Variants in CYTH1 observed in about 807,000 individuals in gnomAD.
CYTH1 encodes the protein cytohesin 1.
CYTH1 carries 18 observed loss-of-function variants against 61.8 expected under a neutral mutation model. The ratio of observed to expected loss-of-function variants is 0.29; its 90% CI spans 0.20 to 0.43. The LOEUF (loss-of-function observed/expected upper bound fraction) is 0.43, where lower values mean the gene tolerates loss of function less well. Ranked by LOEUF, CYTH1 falls within the 20% of genes least tolerant of loss-of-function variation. CYTH1 has a pLI of 1.00. For synonymous variants in CYTH1, 174 were observed against 184.3 expected, an observed-to-expected ratio of 0.94 and a Z score of 0.45; for missense variants, 336 against 510.5, an observed-to-expected ratio of 0.66 and a Z score of 3.29.
intron 1 of CYTH1, among the ~76,000 whole-genome samples, chr17:78,777,714 C>T (rs907767335): frequency 2.0e-5 from 3 of 151,406 alleles, no homozygotes; most frequent in Admixed American, 1.3e-4. Flanking sequence ...AAGCCGGGCG[C>T]GGTGGCTCAC....
intron 1 of CYTH1, among the ~76,000 whole-genome samples, chr17:78,722,336 G>A (rs1431543476): frequency 2.0e-5 from 3 of 152,194 alleles, no homozygotes; most frequent in South Asian, 2.1e-4. Context: ...CTGCTGTTTC[G>A]AAAGGATCCC....
chr17:78,734,197 C>CCT (rs2144609404), intron 1 of CYTH1, among the ~76,000 whole-genome samples: 1 of 151,610 alleles, frequency 6.6e-6, no homozygotes, highest in East Asian at 2.0e-4. Context: ...TTGCAGTGAG[C>CCT]CAAGATTGCA....
intron 11 of CYTH1, among the ~76,000 whole-genome samples, chr17:78,692,139 C>A (rs1567832908): frequency 6.6e-6 from 1 of 152,168 alleles, no homozygotes; most frequent in African/African-American, 2.4e-5. Context: ...TTCCAAAACC[C>A]ATTTCTAGTG....
At chr17:78,695,371 G>A (rs1457896838) in intron 10 of CYTH1, among the ~76,000 whole-genome samples, 2 of 152,132 alleles carry the variant, frequency 1.3e-5, no homozygotes, top group Admixed American at 1.3e-4. Context: ...GGGTTTTTTG[G>A]TTTGGACTTG....
At chr17:78,778,890 T>C (rs1357945464) in intron 1 of CYTH1, among the ~76,000 whole-genome samples, 1 of 152,150 alleles carries the variant, frequency 6.6e-6, no homozygotes, top group African/African-American at 2.4e-5. Context: ...ACATTTCCTT[T>C]TACAATGTGG....
chr17:78,685,687 T>G (rs1383757425), intron 11 of CYTH1, among the ~76,000 whole-genome samples: 1 of 152,230 alleles, frequency 6.6e-6, no homozygotes, highest in Non-Finnish European at 1.5e-5. Flanking sequence ...TTTCTTGTGA[T>G]TCATTCTCTT....
In CYTH1 at chr17:78,675,616, C is replaced by A. The variant is rs1462121313; in HGVS notation, c.*475G>T. 8.2e-6 allele frequency: 2 copies of A among 244,046 alleles called. No individual in the cohort carries two copies. The highest frequency in any genetic ancestry group is 1.5e-5 in the Non-Finnish European group (2 of 131,240). 15.1% of individuals were successfully genotyped at this position (244,046 alleles called of 1,614,324 possible). A position where few individuals can be genotyped will look rare whatever the true frequency, so the allele number is the denominator to read the frequency against. ...GCCAGGGCAGAATGCACCTGAACAG[C>A]CCTACGTTCTCTCTTAAAAAAAAAA... On this transcript the variant is annotated 3_prime_UTR_variant, in exon 14 of 14. Coordinates refer to ENST00000446868, the MANE Select transcript of CYTH1 (RefSeq NM_004762.6).
chr17:78,716,014 A>C (rs529439341), intron 1 of CYTH1, among the ~76,000 whole-genome samples: 1 of 152,330 alleles, frequency 6.6e-6, no homozygotes, highest in African/African-American at 2.4e-5. Context: ...GATCATGAAC[A>C]AGAAACCCAC....
intron 10 of CYTH1, 73 bp from the exon 11 acceptor site, chr17:78,692,566 A>C: frequency 1.4e-6 from 2 of 1,418,872 alleles, no homozygotes; most frequent in Non-Finnish European, 9.9e-7. Flanking sequence ...CACACACGAC[A>C]CCCTCTCTTC....
intron 1 of CYTH1, among the ~76,000 whole-genome samples, chr17:78,730,453 G>T (rs1345597218): frequency 2.0e-5 from 3 of 150,082 alleles, no homozygotes; most frequent in Non-Finnish European, 4.4e-5. Flanking sequence ...GCAGGAGAAT[G>T]GTGTGAACTC....
intron 1 of CYTH1, among the ~76,000 whole-genome samples, chr17:78,740,215 C>T (rs1291987394): frequency 1.3e-5 from 2 of 152,208 alleles, no homozygotes; most frequent in East Asian, 1.9e-4. Flanking sequence ...AGATTACAGG[C>T]GTGAGCCATT....
chr17:78,680,583 G>A (rs962093018), intron 12 of CYTH1, among the ~76,000 whole-genome samples: 5 of 152,146 alleles, frequency 3.3e-5, no homozygotes, highest in Admixed American at 1.3e-4. Flanking sequence ...TGCAATGTAC[G>A]TAAAATGCGG....
intron 3 of CYTH1, among the ~76,000 whole-genome samples, chr17:78,705,713 G>C (rs1285606090): frequency 6.6e-6 from 1 of 152,068 alleles, no homozygotes; most frequent in African/African-American, 2.4e-5. Context: ...CTTCCGTCTT[G>C]GCGCTTTCGA....
chr17:78,776,940 A>C (rs1158928494), intron 1 of CYTH1, among the ~76,000 whole-genome samples: 1 of 151,806 alleles, frequency 6.6e-6, no homozygotes, highest in East Asian at 1.9e-4. Context: ...AGCCTGACCA[A>C]CATGGAGAAA....
At chr17:78,726,264 G>A (rs551109246) in intron 1 of CYTH1, among the ~76,000 whole-genome samples, 5 of 152,024 alleles carry the variant, frequency 3.3e-5, no homozygotes, top group African/African-American at 7.2e-5. Flanking sequence ...GGATGGTCTC[G>A]ATCTCCTGAC....
At chr17:78,702,271 G>T in intron 4 of CYTH1, 31 bp from the exon 5 acceptor site, 1 of 1,552,996 alleles carries the variant, frequency 6.4e-7, no homozygotes, top group African/African-American at 1.4e-5. Context: ...CGCCAATGAT[G>T]CTTTGCTGGG....
At chr17:78,756,344 G>C (rs1028250781) in intron 1 of CYTH1, among the ~76,000 whole-genome samples, 15 of 152,022 alleles carry the variant, frequency 9.9e-5, no homozygotes, top group Non-Finnish European at 1.5e-4. Flanking sequence ...TCGAAGTGCT[G>C]GGATTACAGG....
intron 1 of CYTH1, among the ~76,000 whole-genome samples, chr17:78,767,612 T>C (rs1227464957): frequency 6.6e-6 from 1 of 151,838 alleles, no homozygotes; most frequent in Admixed American, 6.6e-5. Flanking sequence ...GTTGAATAGA[T>C]GAACAAACGG....
chr17:78,700,373 G>C lies in CYTH1; in HGVS notation c.508C>G (p.Gln170Glu). The change falls in exon 7 of 14, where the codon CAG becomes GAG. Residue 170 changes from glutamine to glutamate, a missense_variant. By Grantham distance (29) the Gln-to-Glu change is conservative. This residue lies in a region of CYTH1 where 125 missense variants were observed against 209.9 expected (regional missense o/e 0.60). Transcript: ENST00000446868. This position sits in a 1 kb window ranked among gnomAD's most constrained non-coding sequence, Gnocchi z 5.1. ...CCATTATTGCACTGACAATATCGCT[G>C]GGCAAACGCCTCCATCATCCGGTCG... The part of the protein sequence containing the change: ...KIDRMMEAFA[Q>E]RYCQCNNGVF... 2 of 1,613,516 alleles carry C rather than the reference G, an allele frequency of 1.2e-6. No individual in the cohort carries two copies. The highest frequency in any genetic ancestry group is 1.7e-6 in the Non-Finnish European group (2 of 1,179,694).
Sources: gnomAD v4.1 joint callset for allele counts (sites outside exome capture counted in the v4.1 genomes callset) on GRCh38, gnomAD v4.1.1 for gene constraint, gnomAD v4.1.1 regional missense constraint, Gnocchi (gnomAD v3.1) non-coding constraint, MANE v1.5 for transcripts, NCBI Gene and HGNC (gene_info 2026-07-23, HGNC 2026-07-21) for gene names.